Variants in CLGN observed in about 807,000 individuals in gnomAD.
The protein encoded by CLGN is testis tissue sperm-binding protein Li 79P.
A neutral mutation model predicts 79.1 loss-of-function variants in CLGN; 62 were observed. The ratio of observed to expected loss-of-function variants is 0.78; its 90% CI spans 0.64 to 0.97. The LOEUF is 0.97. Among genes scored for constraint, CLGN ranks in the 50% least tolerant of loss-of-function variants. The pLI is 0.00. For missense variants in CLGN, 647 were observed against 715.5 expected, an observed-to-expected ratio of 0.90 and a Z score of 1.09; for synonymous variants, 225 against 224.7, an observed-to-expected ratio of 1.00 and a Z score of -0.01.
chr4:140,399,083 T>A, intron 7 of CLGN, 43 bp from the exon 8 acceptor site: 1 of 1,491,574 alleles, frequency 6.7e-7, no homozygotes, highest in Non-Finnish European at 9.1e-7. Context: ...CATTTTGATA[T>A]ACGCTTTAAA....
At chr4:140,422,352 T>G (rs1304233881) in intron 1 of CLGN, among the ~76,000 whole-genome samples, 1 of 152,188 alleles carries the variant, frequency 6.6e-6, no homozygotes, top group Non-Finnish European at 1.5e-5. Context: ...TTACTTTGGG[T>G]TGTGTTTCCA....
intron 8 of CLGN, 53 bp from the exon 9 acceptor site, chr4:140,396,258 T>A (rs969664826): frequency 7.5e-7 from 1 of 1,336,844 alleles, no homozygotes; most frequent in African/African-American, 1.4e-5. Flanking sequence ...TAAAAATGCA[T>A]GTTACAACAC....
intron 5 of CLGN, 55 bp from the exon 6 acceptor site, chr4:140,402,121 C>A: frequency 2.3e-6 from 2 of 887,978 alleles, no homozygotes; most frequent in South Asian, 1.7e-5. Context: ...ACTAGTTGCT[C>A]TTTAAAATAT....
intron 1 of CLGN, among the ~76,000 whole-genome samples, chr4:140,420,103 T>C (rs1578609283): frequency 6.6e-6 from 1 of 152,100 alleles, no homozygotes; most frequent in African/African-American, 2.4e-5. Flanking sequence ...ATGTACACTT[T>C]AGGTTCCAAA....
chr4:140,400,609 T>C, intron 6 of CLGN, 60 bp from the exon 7 acceptor site: 10 of 1,118,628 alleles, frequency 8.9e-6, no homozygotes, highest in Non-Finnish European at 1.2e-5. Flanking sequence ...AATGCATTTC[T>C]GTATTTTATC....
chr4:140,406,252 C>CTT (rs139198063), intron 4 of CLGN, among the ~76,000 whole-genome samples, 169 bp from the exon 5 acceptor site: 6,222 of 151,560 alleles, frequency 0.041, 154 homozygotes, highest in South Asian at 0.097. Flanking sequence ...GCTCATTTAT[C>CTT]TTTTTTTTTC....
chr4:140,412,856 G>T, intron 2 of CLGN, 79 bp downstream of exon 2: 3 of 1,230,022 alleles, frequency 2.4e-6, no homozygotes, highest in Non-Finnish European at 3.4e-6. Context: ...TATTTGAACT[G>T]AAATGAATCA....
chr4:140,395,682 A>G, intron 10 of CLGN, 137 bp downstream of exon 10: 3 of 564,180 alleles, frequency 5.3e-6, no homozygotes, highest in Non-Finnish European at 8.3e-6. Flanking sequence ...AATATAAATT[A>G]GTTGAGGTCT....
At position 140,412,941 on chromosome 4, in the gene CLGN, G is replaced by C; in HGVS notation, c.138C>G (p.Ser46=). Residue 46 remains serine (S), a synonymous_variant, in exon 2 of 15, where the codon TCC becomes TCG. Coordinates refer to ENST00000325617, the MANE Select transcript of CLGN (RefSeq NM_004362.3). ...CATTTCTCAATAACCATACCTCTGA[G>C]GAAAGTTCACTTTCATTAACATCAA... ...EEIDVNESEL[S]SEIKYKTPQP... is the part of the protein sequence containing the mutation. The C allele has an allele frequency of 6.2e-7, 1 of 1,613,002 alleles. No homozygotes were observed. The highest frequency in any genetic ancestry group is 8.5e-7 in the Non-Finnish European group (1 of 1,179,358).
At chr4:140,390,565 T>C (rs995455634) in intron 14 of CLGN, 63 bp downstream of exon 14, 23 of 1,113,644 alleles carry the variant, frequency 2.1e-5, no homozygotes, top group Non-Finnish European at 2.7e-5. Context: ...ATATTGGTGC[T>C]TTTATTGAAA....
chr4:140,401,705 A>G (rs535411483), intron 6 of CLGN, among the ~76,000 whole-genome samples: 5 of 152,296 alleles, frequency 3.3e-5, no homozygotes, highest in African/African-American at 9.6e-5. Flanking sequence ...ACTCTAAGCT[A>G]TATTTCAAAA....
chr4:140,411,517 G>T (rs1239758184), intron 2 of CLGN, among the ~76,000 whole-genome samples: 1 of 152,076 alleles, frequency 6.6e-6, no homozygotes, highest in African/African-American at 2.4e-5. Flanking sequence ...AGCGTGTTGT[G>T]ATTGTATCTG....
Position 140,388,975 on chromosome 4 carries a change from C to T in CLGN, c.*249G>A. 2 of 427,778 alleles carry T rather than the reference C, an allele frequency of 4.7e-6. No individual in the cohort carries two copies. Among genetic ancestry groups the T allele is most frequent in the East Asian group, 3.8e-5 (1 of 26,350 alleles). The allele number at this position is 427,778 out of a possible 1,614,324, so 26.5% of individuals were successfully genotyped here. ...TCTCCAAACAACTAAAACTGTGTAA[C>T]TTCTAATGGTATTAATCTCTTAGAT... is the stretch of plus-strand genomic sequence containing the variant. On this transcript the variant is annotated 3_prime_UTR_variant, in exon 15 of 15. Transcript: ENST00000325617.
In CLGN at chr4:140,421,410, C is replaced by T. The variant is rs868689680; in HGVS notation, c.-10+6127G>A. On this transcript the variant is annotated intron_variant, in intron 1 of 14. Coordinates refer to ENST00000325617, the MANE Select transcript of CLGN (RefSeq NM_004362.3). The stretch of plus-strand genomic sequence containing the variant: ...GTGGCTTTACCATTTTACCTTCCCA[C>T]CAACAAGGCACAAGGGTTCCAATTT... Among the ~76,000 whole-genome samples the T allele has an allele frequency of 7.9e-5, 12 of 152,198 alleles. 1 individual carries two copies. The South Asian group carries it at 2.5e-3, about 32-fold the overall frequency.
chr4:140,421,628 C>T (rs1048877579), intron 1 of CLGN, among the ~76,000 whole-genome samples: 1 of 152,024 alleles, frequency 6.6e-6, no homozygotes, highest in Non-Finnish European at 1.5e-5. Context: ...TATTCAAGTC[C>T]TTTGCCTATT....
At chr4:140,425,448 G>C (rs4583839) in intron 1 of CLGN, among the ~76,000 whole-genome samples, 2,533 of 71,818 alleles carry the variant, frequency 0.035, 25 homozygotes, top group Non-Finnish European at 0.067. Context: ...GTGTGTGTGT[G>C]TGTGTGTGTG....
chr4:140,408,186 G>C (rs915386830), intron 4 of CLGN, among the ~76,000 whole-genome samples: 1 of 152,020 alleles, frequency 6.6e-6, no homozygotes, highest in Non-Finnish European at 1.5e-5. Flanking sequence ...ACTCAAGATG[G>C]ATTAAAGACT....
intron 14 of CLGN, among the ~76,000 whole-genome samples, chr4:140,390,045 A>G (rs1728743371): frequency 6.6e-6 from 1 of 151,714 alleles, no homozygotes; most frequent in Non-Finnish European, 1.5e-5. Context: ...CTCTGGCTCT[A>G]ATTATACTCG....
rs1257077729 is a variant in CLGN at position 140,414,830 on chromosome 4, G to T, written c.-9-1743C>A. ...ATCTAGCAAGGCAGGCCAACGTTCA[G>T]ATTCAGGAAATACAGAGAACGCCAC... On this transcript the variant is annotated intron_variant, in intron 1 of 14. Coordinates refer to ENST00000325617, the MANE Select transcript of CLGN (RefSeq NM_004362.3). Among the ~76,000 whole-genome samples the T allele has an allele frequency of 3.3e-5, 5 of 150,620 alleles. No homozygotes were observed. In the East Asian group the frequency reaches 9.7e-4, roughly 29 times the overall value.
Sources: allele counts gnomAD v4.1 joint callset (sites outside exome capture counted in the v4.1 genomes callset), GRCh38; gene constraint gnomAD v4.1.1; transcripts MANE v1.5; gene names NCBI Gene and HGNC (gene_info 2026-07-23, HGNC 2026-07-21).